The following SLC10A2 variants were observed in gnomAD, a reference collection of about 807,000 sequenced individuals.
SLC10A2 encodes ileal sodium/bile acid cotransporter.
SLC10A2 carries 34 observed loss-of-function variants against 27.1 expected under a neutral mutation model. The ratio of observed to expected loss-of-function variants is 1.26; its 90% confidence interval spans 0.96 to 1.67. SLC10A2 has a LOEUF of 1.67. Among genes scored for constraint, SLC10A2 ranks in the 40% most tolerant of loss-of-function variants. The probability of loss-of-function intolerance (pLI) is 0.00; values close to 1 mark genes in which losing one functional copy is unlikely to be tolerated. For synonymous variants in SLC10A2, 205 were observed against 174.0 expected (o/e 1.18, Z -1.40); for missense variants, 530 against 444.4 (o/e 1.19, Z -1.73).
chr13:103,066,037 G>A lies in SLC10A2; in HGVS notation c.213C>T (p.Gly71=). 2.5e-6 allele frequency: 4 copies of A among 1,613,912 alleles called. No individual in the cohort carries two copies. The highest frequency in any genetic ancestry group is 3.4e-6 in the Non-Finnish European group (4 of 1,179,858). The change falls in exon 1 of 6, where the codon GGC becomes GGT. Residue 71 remains glycine, a synonymous_variant. Coordinates refer to ENST00000245312, the MANE Select transcript of SLC10A2 (RefSeq NM_000452.3). ...GCATGATTCCAAACTGACAGAGGAAGCCAACACAAATGCCCCACGGCCGCT... is the reference window on the plus strand; with the variant it reads ...GCATGATTCCAAACTGACAGAGGAAACCAACACAAATGCCCCACGGCCGCT... ...HIKRPWGICV[G]FLCQFGIMPL...
At chr13:103,058,236 TCAA>T in intron 2 of SLC10A2, 25 bp downstream of exon 2, 1 of 1,275,682 alleles carries the variant, frequency 7.8e-7, no homozygotes, top group Non-Finnish European at 1.1e-6. Context: ...AGGGTAACAG[TCAA>T]CAGTCTTACA....
intron 3 of SLC10A2, 103 bp from the exon 4 acceptor site, chr13:103,051,535 A>C (rs759616986): frequency 3.3e-5 from 42 of 1,262,874 alleles, no homozygotes; most frequent in Non-Finnish European, 4.5e-5. Context: ...TCCCTGGGGG[A>C]AGTGATGATA....
At chr13:103,058,196 G>C (rs1409352149) in intron 2 of SLC10A2, 68 bp downstream of exon 2, 1 of 941,370 alleles carries the variant, frequency 1.1e-6, no homozygotes, top group Non-Finnish European at 1.8e-6. Flanking sequence ...CCTGGTCTGA[G>C]AGCCTAGCAG....
intron 1 of SLC10A2, among the ~76,000 whole-genome samples, chr13:103,062,990 G>A (rs1383063865): frequency 6.6e-6 from 1 of 152,154 alleles, no homozygotes; most frequent in Non-Finnish European, 1.5e-5. Context: ...ATGTTTCTGT[G>A]TCCTCTCAAC....
At chr13:103,063,284 TGAGA>T in intron 1 of SLC10A2, among the ~76,000 whole-genome samples, 1 of 151,994 alleles carries the variant, frequency 6.6e-6, no homozygotes, top group East Asian at 1.9e-4. Flanking sequence ...GATGACAGAG[TGAGA>T]GAGAAATGTT....
intron 5 of SLC10A2, among the ~76,000 whole-genome samples, chr13:103,047,393 C>T (rs955203268): frequency 7.2e-5 from 11 of 151,982 alleles, no homozygotes; most frequent in East Asian, 1.9e-4. Flanking sequence ...TTTGAAGATC[C>T]GCCACTTATT....
In SLC10A2 at chr13:103,065,858, TATAG is replaced by T; in HGVS notation, c.377+11_377+14del. On this transcript the variant is annotated intron_variant, in intron 1 of 5. Transcript: ENST00000245312. ...CCAAGGTGATTGCAGTAGTTAGAGGTATAGATAATCTTACCTCAGGTCCATGTCG... is the reference window on the plus strand; with the variant it reads ...CCAAGGTGATTGCAGTAGTTAGAGGTATAATCTTACCTCAGGTCCATGTCG... 6.2e-7 allele frequency: 1 copy of T among 1,613,706 alleles called. No individual in the cohort carries two copies. Among genetic ancestry groups the T allele is most frequent in the Admixed American group, 1.7e-5 (1 of 60,010 alleles).
chr13:103,055,471 G>T (rs1744137139), intron 2 of SLC10A2, among the ~76,000 whole-genome samples: 1 of 152,142 alleles, frequency 6.6e-6, no homozygotes, highest in South Asian at 2.1e-4. Context: ...CAGCTTCCTG[G>T]TGACCTTGGG....
chr13:103,046,164 G>A lies in SLC10A2; in HGVS notation c.1016C>T (p.Ala339Val), dbSNP rs1421726366. Reference sequence around the variant, plus strand: ...TTCGTCAGGTTGAAATCCTCCATTTGCCTTATAAAACGATGACTCTGGCTC... The same window carrying A: ...TTCGTCAGGTTGAAATCCTCCATTTACCTTATAAAACGATGACTCTGGCTC... ...GTEPESSFYK[A>V]NGGFQPDEK The change falls in exon 6 of 6, where the codon GCA becomes GTA. Residue 339 changes from alanine (A) to valine (V), a missense_variant. Transcript: ENST00000245312. 1 of 1,613,746 alleles carries A rather than the reference G, an allele frequency of 6.2e-7. No homozygotes were observed. Among genetic ancestry groups the A allele is most frequent in the South Asian group, 1.1e-5 (1 of 91,066 alleles).
chr13:103,065,088 A>G (rs1008530577), intron 1 of SLC10A2, among the ~76,000 whole-genome samples: 22 of 152,264 alleles, frequency 1.4e-4, no homozygotes, highest in Admixed American at 1.4e-3. Flanking sequence ...TTGTGAGCTA[A>G]GGAAAAAGAC....
chr13:103,059,399 G>A (rs1876035727), intron 1 of SLC10A2, among the ~76,000 whole-genome samples: 1 of 151,992 alleles, frequency 6.6e-6, no homozygotes, highest in Non-Finnish European at 1.5e-5. Context: ...CCGAATGGGA[G>A]AAAATTTTTA....
At chr13:103,055,368 G>T (rs111374184) in intron 2 of SLC10A2, among the ~76,000 whole-genome samples, 52 of 152,230 alleles carry the variant, frequency 3.4e-4, no homozygotes, top group African/African-American at 1.2e-3. Flanking sequence ...CATCTGAGGG[G>T]GCTCACAGGT....
intron 5 of SLC10A2, 64 bp from the exon 6 acceptor site, chr13:103,046,324 A>AGT: frequency 7.5e-7 from 1 of 1,330,388 alleles, no homozygotes; most frequent in Non-Finnish European, 1.1e-6. Context: ...ATTACTTTGC[A>AGT]TAGAGATTAT....
chr13:103,047,935 T>A (rs1373148330), intron 5 of SLC10A2, among the ~76,000 whole-genome samples: 1 of 152,030 alleles, frequency 6.6e-6, no homozygotes, highest in Non-Finnish European at 1.5e-5. Flanking sequence ...GAAAACAAGG[T>A]AATTAGGCCT....
chr13:103,052,493 G>C, intron 3 of SLC10A2, 127 bp downstream of exon 3: 1 of 745,024 alleles, frequency 1.3e-6, no homozygotes, highest in South Asian at 1.4e-5. Context: ...AGACTGCATG[G>C]CTAATGACTT....
At chr13:103,047,210 A>G (rs1566510195) in intron 5 of SLC10A2, among the ~76,000 whole-genome samples, 1 of 152,202 alleles carries the variant, frequency 6.6e-6, no homozygotes, top group Non-Finnish European at 1.5e-5. Flanking sequence ...GTAAATGCTC[A>G]ATAAATGTTA....
chr13:103,046,139 T>C lies in SLC10A2; in HGVS notation c.1041A>G (p.Glu347=). The C allele has an allele frequency of 6.2e-7, 1 of 1,613,876 alleles. No individual in the cohort carries two copies. The highest frequency in any genetic ancestry group is 1.1e-5 in the South Asian group (1 of 91,080). Residue 347 remains glutamate (E), a synonymous_variant, in exon 6 of 6, where the codon GAA becomes GAG. Transcript: ENST00000245312. ...TGTTTTGTCCACTTGATGTCTACTT[T>C]TCGTCAGGTTGAAATCCTCCATTTG... ...YKANGGFQPD[E]K is the part of the protein sequence containing the mutation.
At position 103,065,992 on chromosome 13, in the gene SLC10A2, C is replaced by A; in HGVS notation, c.258G>T (p.Leu86=). The A allele has an allele frequency of 6.2e-7, 1 of 1,614,064 alleles. No homozygotes were observed. The highest frequency in any genetic ancestry group is 8.5e-7 in the Non-Finnish European group (1 of 1,179,956). Residue 86 remains leucine (L), a synonymous_variant, in exon 1 of 6, where the codon CTG becomes CTT. Transcript: ENST00000245312. ...GCGGGAGGATGTCAAAGGCCACCGA[C>A]AGGATGAATCCTGTGAGGGGCATGA... ...FGIMPLTGFI[L]SVAFDILPLQ...
chr13:103,052,522 T>C (rs1875815042), intron 3 of SLC10A2, 98 bp downstream of exon 3: 3 of 876,994 alleles, frequency 3.4e-6, no homozygotes, highest in Non-Finnish European at 5.9e-6. Context: ...CACTCAACAG[T>C]AATCATATAA....
Sources: allele counts gnomAD v4.1 joint callset (sites outside exome capture counted in the v4.1 genomes callset), GRCh38; gene constraint gnomAD v4.1.1; transcripts MANE v1.5; gene names NCBI Gene and HGNC (gene_info 2026-07-23, HGNC 2026-07-21).